MALRD1: variants seen among roughly 807,000 people sequenced by gnomAD.
MALRD1 encodes MAM and LDL receptor class A domain containing 1, also known as MAM and LDL-receptor class A domain-containing protein 1.
MALRD1 carries 247 observed loss-of-function variants against 242.1 expected under a neutral mutation model. The observed-to-expected ratio is 1.02, with a 90% confidence interval of 0.92 to 1.13. The LOEUF is 1.13. Ranked by LOEUF, MALRD1 falls within the 50% of genes most tolerant of loss-of-function variation. The pLI is 0.00. For synonymous variants in MALRD1, 995 were observed against 866.6 expected (o/e 1.15, Z -2.60); for missense variants, 2,989 against 2,533.1 (o/e 1.18, Z -3.86).
chr10:19,379,177 T>A (rs1845731770), intron 26 of MALRD1, among the ~76,000 whole-genome samples: 1 of 152,122 alleles, frequency 6.6e-6, no homozygotes, highest in African/African-American at 2.4e-5. Flanking sequence ...TGGTAATCTT[T>A]GTCTTATTTT....
At chr10:19,262,783 C>A (rs1482833195) in intron 19 of MALRD1, among the ~76,000 whole-genome samples, 2 of 151,916 alleles carry the variant, frequency 1.3e-5, no homozygotes, top group Non-Finnish European at 2.9e-5. Context: ...ATCTTACCAA[C>A]ATATCTCCAT....
intron 13 of MALRD1, among the ~76,000 whole-genome samples, chr10:19,172,909 A>G (rs2131534233): frequency 6.6e-6 from 1 of 152,176 alleles, no homozygotes; most frequent in Non-Finnish European, 1.5e-5. Context: ...TTTTACCAAG[A>G]TCCTTCTTCA....
At chr10:19,640,052 C>T (rs1306047627) in intron 36 of MALRD1, among the ~76,000 whole-genome samples, 1 of 152,112 alleles carries the variant, frequency 6.6e-6, no homozygotes, top group Non-Finnish European at 1.5e-5. Flanking sequence ...CTGTGAGGCC[C>T]ACCATGGGGG....
chr10:19,660,617 T>C (rs1250627938), intron 36 of MALRD1, among the ~76,000 whole-genome samples: 1 of 152,184 alleles, frequency 6.6e-6, no homozygotes, highest in Non-Finnish European at 1.5e-5. Flanking sequence ...TTGACTTGAC[T>C]TGCTTTTGAG....
chr10:19,094,555 C>T (rs907702529), intron 4 of MALRD1, among the ~76,000 whole-genome samples: 6 of 151,770 alleles, frequency 4.0e-5, no homozygotes, highest in East Asian at 2.0e-4. Flanking sequence ...CCGTCTTCTG[C>T]GTCGCTCACG....
chr10:19,289,900 G>T (rs554191115), intron 21 of MALRD1, among the ~76,000 whole-genome samples: 1 of 151,950 alleles, frequency 6.6e-6, no homozygotes, highest in Non-Finnish European at 1.5e-5. Context: ...CTCTGATCCC[G>T]GCTGTCTTGG....
At chr10:19,580,821 T>C (rs1837082112) in intron 33 of MALRD1, among the ~76,000 whole-genome samples, 1 of 152,158 alleles carries the variant, frequency 6.6e-6, no homozygotes, top group African/African-American at 2.4e-5. Flanking sequence ...TGTCTCTCTG[T>C]CTGGCTTTTG....
At chr10:19,548,935 G>A (rs960906027) in intron 32 of MALRD1, among the ~76,000 whole-genome samples, 4 of 152,188 alleles carry the variant, frequency 2.6e-5, no homozygotes, top group Non-Finnish European at 4.4e-5. Flanking sequence ...GCTCCAAACA[G>A]CTAGTCAAGT....
At chr10:19,598,169 A>G (rs1228618420) in intron 34 of MALRD1, 1 of 152,154 alleles carries the variant, frequency 6.6e-6, no homozygotes, top group Non-Finnish European at 1.5e-5. Context: ...ATTAGGTAAC[A>G]GTGTAAGGTA....
Position 19,167,189 on chromosome 10 carries a change from C to G in MALRD1, c.1830+1379C>G, listed in dbSNP as rs188244537. ...CCTGAGTAACACAGTGAAACCCCAC[C>G]TCTACAAAAAATACAAAAAATTAGC... is the stretch of plus-strand genomic sequence containing the variant. On this transcript the variant is annotated intron_variant, in intron 13 of 39. Coordinates refer to ENST00000454679, the MANE Select transcript of MALRD1 (RefSeq NM_001142308.3). 2.2e-4 allele frequency among the ~76,000 whole-genome samples: 34 copies of G among 152,020 alleles called. No homozygotes were observed. The East Asian group carries it at 6.6e-3, about 29-fold the overall frequency.
intron 28 of MALRD1, among the ~76,000 whole-genome samples, chr10:19,449,469 G>A (rs1262482210): frequency 6.6e-6 from 1 of 152,176 alleles, no homozygotes; most frequent in African/African-American, 2.4e-5. Context: ...AAATACGTGT[G>A]TTGCGAATTC....
At chr10:19,258,939 GTTTATATTAACAAATTTGA>G (rs1839633783) in intron 19 of MALRD1, among the ~76,000 whole-genome samples, 1 of 151,924 alleles carries the variant, frequency 6.6e-6, no homozygotes, top group Admixed American at 6.6e-5. Context: ...AACAAATCTG[GTTTATATTAACAAATTTGA>G]TTTAGTACCC....
chr10:19,609,062 A>G (rs1838767749), intron 35 of MALRD1, among the ~76,000 whole-genome samples: 1 of 152,090 alleles, frequency 6.6e-6, no homozygotes, highest in African/African-American at 2.4e-5. Flanking sequence ...AGGAGCACAA[A>G]TATAATATGT....
intron 4 of MALRD1, among the ~76,000 whole-genome samples, chr10:19,088,536 CTTTT>C (rs748953378): frequency 0.067 from 7,344 of 109,940 alleles, 234 homozygotes; most frequent in East Asian, 0.25. Flanking sequence ...CTCTTTCTTT[CTTTT>C]TTTTTTTTTT....
At chr10:19,573,900 T>G (rs1836677250) in intron 33 of MALRD1, among the ~76,000 whole-genome samples, 1 of 152,166 alleles carries the variant, frequency 6.6e-6, no homozygotes, top group African/African-American at 2.4e-5. Flanking sequence ...TGGGCACTTA[T>G]TCCCCACCCA....
Position 19,432,136 on chromosome 10 carries a change from G to T in MALRD1, c.4846-18171G>T, listed in dbSNP as rs1834157882. On this transcript the variant is annotated intron_variant, in intron 28 of 39. Transcript: ENST00000454679. The stretch of plus-strand genomic sequence containing the variant: ...GAGCCTTTTCTATACAGAGAGTATA[G>T]TAAGGACCTGGCATGAGTCATTCTG... 1.3e-5 allele frequency among the ~76,000 whole-genome samples: 2 copies of T among 152,140 alleles called. 1 individual carries two copies.
rs563687158 is a variant in MALRD1 at position 19,521,386 on chromosome 10, T to G, written c.5321-9808T>G. Among the ~76,000 whole-genome samples, 35 of 152,162 alleles carry G rather than the reference T, an allele frequency of 2.3e-4. No individual in the cohort carries two copies. The South Asian group carries it at 6.2e-3, about 27-fold the overall frequency. The stretch of plus-strand genomic sequence containing the variant: ...TCAAGCATCACAGTTCTCTCTGATC[T>G]TAACCAAAAAAAGACAAAATGAAAT... On this transcript the variant is annotated intron_variant, in intron 31 of 39. Transcript: ENST00000454679.
At position 19,341,549 on chromosome 10, in the gene MALRD1, C is replaced by G. The variant is rs985032702; in HGVS notation, c.3902-6222C>G. Among the ~76,000 whole-genome samples the G allele has an allele frequency of 3.2e-4, 45 of 141,388 alleles. 1 individual carries two copies. Among genetic ancestry groups the G allele is most frequent in the African/African-American group, 1.2e-3 (45 of 37,972 alleles). 92.8% of individuals were successfully genotyped at this position (141,388 alleles called of 152,430 possible). A position where few individuals can be genotyped will look rare whatever the true frequency, so the allele number is the denominator to read the frequency against. On this transcript the variant is annotated intron_variant, in intron 24 of 39. Transcript: ENST00000454679. ...GTATATATATACACACATATATATA[C>G]ACACACACGTATTTTATACATACAT...
At chr10:19,429,345 G>A (rs1015761878) in intron 28 of MALRD1, among the ~76,000 whole-genome samples, 8 of 152,112 alleles carry the variant, frequency 5.3e-5, no homozygotes, top group Non-Finnish European at 1.2e-4. Context: ...CGAGACAGGT[G>A]GATTGCCTGA....
Sources: gnomAD v4.1 joint callset for allele counts (sites outside exome capture counted in the v4.1 genomes callset) on GRCh38, gnomAD v4.1.1 for gene constraint, MANE v1.5 for transcripts, NCBI Gene and HGNC (gene_info 2026-07-23, HGNC 2026-07-21) for gene names.